Variants in ACADS observed in about 807,000 individuals in gnomAD.
ACADS encodes short-chain specific acyl-CoA dehydrogenase, mitochondrial.
Under a neutral mutation model 46.8 loss-of-function variants are expected in ACADS, and 28 were observed. That is an observed-to-expected ratio of 0.60 (90% CI 0.44 to 0.82). The LOEUF (loss-of-function observed/expected upper bound fraction) is 0.82. Among genes scored for constraint, ACADS ranks in the 40% least tolerant of loss-of-function variants. ACADS has a pLI of 0.00. For missense variants in ACADS, 528 were observed against 578.0 expected, an observed-to-expected ratio of 0.91 and a Z score of 0.89; for synonymous variants, 236 against 237.7, an observed-to-expected ratio of 0.99 and a Z score of 0.07.
At chr12:120,737,728 C>A in intron 4 of ACADS, 109 bp from the exon 5 acceptor site, 1 of 1,508,542 alleles carries the variant, frequency 6.6e-7, no homozygotes. Flanking sequence ...CTTTGGAGCC[C>A]GAGTCATAGG....
chr12:120,733,476 G>C (rs1883330310), intron 2 of ACADS, among the ~76,000 whole-genome samples: 1 of 152,074 alleles, frequency 6.6e-6, no homozygotes, highest in African/African-American at 2.4e-5. Flanking sequence ...TGTGTCTCCA[G>C]GTCCTCTTCC....
chr12:120,727,247 T>C (rs1348378794), intron 2 of ACADS, 58 bp downstream of exon 2: 5 of 1,597,816 alleles, frequency 3.1e-6, no homozygotes, highest in Non-Finnish European at 4.3e-6. Context: ...ACTGGATGAA[T>C]GGTGGCAGTG....
chr12:120,733,630 C>T (rs956213191), intron 2 of ACADS, among the ~76,000 whole-genome samples: 1 of 143,304 alleles, frequency 7.0e-6, no homozygotes, highest in Non-Finnish European at 1.6e-5. Flanking sequence ...TGAGCAGGAC[C>T]CCCCTCCCCA....
At chr12:120,731,289 T>C (rs1194831017) in intron 2 of ACADS, among the ~76,000 whole-genome samples, 1 of 151,932 alleles carries the variant, frequency 6.6e-6, no homozygotes, top group East Asian at 1.9e-4. Context: ...AATTAAAAAA[T>C]TTTCTTTTAG....
Position 120,739,181 on chromosome 12 carries a change from C to T in ACADS, c.1071C>T (p.Thr357=), listed in dbSNP as rs759011410. The part of the protein sequence containing the change: ...MAKLAASEAA[T]AISHQAIQIL... Reference sequence around the variant, plus strand: ...AGCTGGCCGCCTCGGAGGCCGCGACCGCCATCAGCCACCAGGTGAGTGTCC... The same window carrying T: ...AGCTGGCCGCCTCGGAGGCCGCGACTGCCATCAGCCACCAGGTGAGTGTCC... Residue 357 remains threonine, a synonymous_variant, in exon 9 of 10, where the codon ACC becomes ACT. Transcript: ENST00000242592. 2.0e-5 allele frequency: 33 copies of T among 1,612,930 alleles called. No individual in the cohort carries two copies. Among genetic ancestry groups the T allele is most frequent in the East Asian group, 2.0e-4 (9 of 44,882 alleles).
chr12:120,738,967 C>T lies in ACADS; in HGVS notation c.1029+52C>T, dbSNP rs2071266. On this transcript the variant is annotated intron_variant, in intron 8 of 9. Coordinates refer to ENST00000242592, the MANE Select transcript of ACADS (RefSeq NM_000017.4). Reference sequence around the variant, plus strand: ...GCCCAGAATGTGGTGGGCCCAGGGACGGGGAGAGGTTGGGGCGGGTCTCTG... The same window carrying T: ...GCCCAGAATGTGGTGGGCCCAGGGATGGGGAGAGGTTGGGGCGGGTCTCTG... The T allele has an allele frequency of 0.018, 28,437 of 1,607,156 alleles. 1,700 individuals carry two copies. In the East Asian group the frequency reaches 0.24, roughly 13 times the overall value.
rs369720004 is a variant in ACADS, at chr12:120,738,265, C to T, written c.625-15C>T. The T allele has an allele frequency of 2.4e-4, 386 of 1,613,986 alleles. No homozygotes were observed. Among genetic ancestry groups the T allele is most frequent in the Non-Finnish European group, 3.2e-4 (377 of 1,180,040 alleles). On this transcript the variant is annotated splice_polypyrimidine_tract_variant and intron_variant, in intron 5 of 9. Coordinates refer to ENST00000242592, the MANE Select transcript of ACADS (RefSeq NM_000017.4). Reference sequence around the variant, plus strand: ...GAGGGGCAGCTCTGAGAAAACCACCCGCCTCTCCTTTCAGGGCATCAGTGC... The same window carrying T: ...GAGGGGCAGCTCTGAGAAAACCACCTGCCTCTCCTTTCAGGGCATCAGTGC...
rs940390916 is a variant in ACADS at position 120,739,698 on chromosome 12, G to A, written c.*250G>A. 18 of 566,276 alleles carry A rather than the reference G, an allele frequency of 3.2e-5. No individual in the cohort carries two copies. The African/African-American group carries it at 3.2e-4, about 10-fold the overall frequency. The allele number at this position is 566,276 out of a possible 1,614,324, so 35.1% of individuals were successfully genotyped here. A position where few individuals can be genotyped will look rare whatever the true frequency, so the allele number is the denominator to read the frequency against. On this transcript the variant is annotated 3_prime_UTR_variant, in exon 10 of 10. Transcript: ENST00000242592. ...ATCTAAGTGGCCCTGGCCTCCTGGG[G>A]GCGGGGTTGTGGGGGGGCTGAGCGA...
At chr12:120,737,563 G>T in intron 4 of ACADS, 96 bp downstream of exon 4, 1 of 1,235,670 alleles carries the variant, frequency 8.1e-7, no homozygotes, top group Non-Finnish European at 1.2e-6. Flanking sequence ...TCGGAGGCCA[G>T]AGGGGAGGCT....
Position 120,727,058 on chromosome 12 carries a change from A to G in ACADS, c.79A>G (p.Thr27Ala), listed in dbSNP as rs1206615610. 6.2e-7 allele frequency: 1 copy of G among 1,614,054 alleles called. No individual in the cohort carries two copies. The highest frequency in any genetic ancestry group is 2.2e-5 in the East Asian group (1 of 44,878). Residue 27 changes from threonine (T) to alanine (A), a missense_variant, in exon 2 of 10, where the codon ACC becomes GCC. Transcript: ENST00000242592. ...TCCTAGGGCCTGGCGGCAGTTACAC[A>G]CCATCTACCAGTCTGTGGAACTGCC... is the stretch of plus-strand genomic sequence containing the variant. ...LCPRAWRQLH[T>A]IYQSVELPET...
chr12:120,735,825 G>A (rs2136947134), intron 2 of ACADS, among the ~76,000 whole-genome samples: 1 of 138,458 alleles, frequency 7.2e-6, no homozygotes, highest in Non-Finnish European at 1.6e-5. Context: ...TTGAACCTGG[G>A]AGGAAGAGGT....
Position 120,728,206 on chromosome 12 carries a change from CAA to C in ACADS, c.210+1019_210+1020del, listed in dbSNP as rs1017120682. On this transcript the variant is annotated intron_variant, in intron 2 of 9. Transcript: ENST00000242592. This position sits in a 1 kb window ranked among gnomAD's most constrained non-coding sequence, Gnocchi z 4.0. ...AGGCGATCTGCCCGCCTTGGCGTCC[CAA>C]AGTGCTGGGATTACAGGCGTGAGCC... is the stretch of plus-strand genomic sequence containing the variant. Among the ~76,000 whole-genome samples, 7 of 152,204 alleles carry C rather than the reference CAA, an allele frequency of 4.6e-5. No homozygotes were observed. The highest frequency in any genetic ancestry group is 1.7e-4 in the African/African-American group (7 of 41,464).
intron 2 of ACADS, among the ~76,000 whole-genome samples, chr12:120,727,733 A>T (rs1414052078): frequency 6.6e-6 from 1 of 151,982 alleles, no homozygotes; most frequent in Admixed American, 6.5e-5. Context: ...ACGGCGTTTC[A>T]CCATGTTGGC....
At chr12:120,736,872 A>C (rs1271830614) in intron 2 of ACADS, 114 bp from the exon 3 acceptor site, 1 of 1,363,660 alleles carries the variant, frequency 7.3e-7, no homozygotes, top group Non-Finnish European at 9.8e-7. Flanking sequence ...GGCTGGGGTC[A>C]CATGGCCTGA....
rs1242407037 is a variant in ACADS at position 120,739,537 on chromosome 12, C to T, written c.*89C>T. ...CCGGCTCAGAGACTGGGCGGCCCGGCGGGGGCTCCCTGGGGACCCCAGATG... is the reference window on the plus strand; with the variant it reads ...CCGGCTCAGAGACTGGGCGGCCCGGTGGGGGCTCCCTGGGGACCCCAGATG... On this transcript the variant is annotated 3_prime_UTR_variant, in exon 10 of 10. Transcript: ENST00000242592. The T allele has an allele frequency of 2.0e-5, 30 of 1,509,410 alleles. No homozygotes were observed. Among genetic ancestry groups the T allele is most frequent in the Admixed American group, 1.8e-4 (9 of 51,226 alleles). The allele number at this position is 1,509,410 out of a possible 1,614,324, so 93.5% of individuals were successfully genotyped here.
rs1256457019 is a variant in ACADS at position 120,738,862 on chromosome 12, C to T, written c.976C>T (p.Leu326=). ...DMALALESAR[L]LTWRAAMLKD... is the part of the protein sequence containing the mutation. ...GGCCCTGGCCCTGGAGAGTGCCCGG[C>T]TGCTGACCTGGCGCGCTGCCATGCT... Residue 326 remains leucine, a synonymous_variant, in exon 8 of 10, where the codon CTG becomes TTG. Coordinates refer to ENST00000242592, the MANE Select transcript of ACADS (RefSeq NM_000017.4). The T allele has an allele frequency of 6.2e-7, 1 of 1,613,952 alleles. No individual in the cohort carries two copies. The highest frequency in any genetic ancestry group is 1.7e-5 in the Admixed American group (1 of 60,036).
intron 8 of ACADS, 62 bp from the exon 9 acceptor site, chr12:120,739,078 G>C: frequency 3.1e-6 from 5 of 1,604,610 alleles, no homozygotes; most frequent in South Asian, 1.1e-5. Context: ...CTGAGGGAGT[G>C]GGGGAGCAGG....
intron 2 of ACADS, among the ~76,000 whole-genome samples, chr12:120,733,848 A>C (rs149490289): frequency 9.2e-6 from 1 of 109,148 alleles, no homozygotes; most frequent in Non-Finnish European, 1.7e-5. Flanking sequence ...CCCCATCTCT[A>C]CCAAAAAAAA....
At position 120,737,269 on chromosome 12, in the gene ACADS, G is replaced by T. The variant is rs1883481159; in HGVS notation, c.361-87G>T. ...CCTTGGTCCTACTGGGTAGGCCCTG[G>T]ACAGAACAGGCCCTGAGGTGCAGCC... On this transcript the variant is annotated intron_variant, in intron 3 of 9. Coordinates refer to ENST00000242592, the MANE Select transcript of ACADS (RefSeq NM_000017.4). 6.5e-6 allele frequency: 10 copies of T among 1,532,482 alleles called. No individual in the cohort carries two copies. The Admixed American group carries it at 1.9e-4, about 29-fold the overall frequency. The allele number at this position is 1,532,482 out of a possible 1,614,324, so 94.9% of individuals were successfully genotyped here.
Sources: allele counts gnomAD v4.1 joint callset (sites outside exome capture counted in the v4.1 genomes callset), GRCh38; gene constraint gnomAD v4.1.1; non-coding constraint Gnocchi (gnomAD v3.1); transcripts MANE v1.5; gene names NCBI Gene and HGNC (gene_info 2026-07-23, HGNC 2026-07-21).